Variants in PCDHGB1 observed in about 807,000 individuals in gnomAD.
PCDHGB1 encodes protocadherin gamma-B1.
A neutral mutation model predicts 56.6 loss-of-function variants in PCDHGB1; 34 were observed. That is an observed-to-expected ratio of 0.60 (90% CI 0.46 to 0.80). PCDHGB1 has a LOEUF of 0.80. PCDHGB1 is among the 30% of genes least tolerant of loss of function. The pLI, the probability that PCDHGB1 is intolerant of heterozygous loss-of-function variation, is 0.00. For synonymous variants in PCDHGB1, 561 were observed against 505.9 expected, an observed-to-expected ratio of 1.11 and a Z score of -1.46; for missense variants, 1,278 against 1,204.6, an observed-to-expected ratio of 1.06 and a Z score of -0.90.
chr5:141,408,839 A>T (rs1296339131), intron 1 of PCDHGB1: 24 of 1,613,642 alleles, frequency 1.5e-5, no homozygotes, highest in Non-Finnish European at 2.0e-5. Context: ...CTTGATATTG[A>T]CTGCCTTGGA....
At chr5:141,355,299 C>G (rs537879124) in intron 1 of PCDHGB1, 2 of 1,613,922 alleles carry the variant, frequency 1.2e-6, no homozygotes, top group Non-Finnish European at 1.7e-6. Flanking sequence ...AGATTCTCTA[C>G]TCGGTGTTTG....
At chr5:141,423,838 T>G in intron 1 of PCDHGB1, 1 of 1,279,552 alleles carries the variant, frequency 7.8e-7, no homozygotes, top group South Asian at 3.5e-5. Context: ...GAGATTACGA[T>G]AATCTTTCAG....
chr5:141,425,835 T>C (rs536839515), intron 1 of PCDHGB1, among the ~76,000 whole-genome samples: 1 of 152,256 alleles, frequency 6.6e-6, no homozygotes, highest in Admixed American at 6.5e-5. Flanking sequence ...TTTTAAATTC[T>C]CTTTGCTGGG....
intron 1 of PCDHGB1, among the ~76,000 whole-genome samples, chr5:141,437,716 C>T (rs575174227): frequency 1.2e-4 from 18 of 151,782 alleles, no homozygotes; most frequent in Admixed American, 1.0e-3. Flanking sequence ...CACAGTTACC[C>T]TCTAATGTTA....
At chr5:141,418,732 G>A (rs747081573) in intron 1 of PCDHGB1, 1 of 1,613,994 alleles carries the variant, frequency 6.2e-7, no homozygotes, top group Non-Finnish European at 8.5e-7. Flanking sequence ...CTCAGCACGT[G>A]TTCTCTCTGG....
At chr5:141,362,600 C>T (rs1561527590) in intron 1 of PCDHGB1, 3 of 1,577,722 alleles carry the variant, frequency 1.9e-6, no homozygotes, top group Non-Finnish European at 1.7e-6. Flanking sequence ...TTTATTGTTT[C>T]ACCTAATTTG....
chr5:141,482,000 G>A (rs1421859839), intron 1 of PCDHGB1, among the ~76,000 whole-genome samples: 8 of 150,854 alleles, frequency 5.3e-5, no homozygotes, highest in East Asian at 1.9e-4. Flanking sequence ...CAGGAGAATC[G>A]CTTTATCTCA....
rs530194567 is a variant in PCDHGB1, at chr5:141,417,884, C to G, written c.2409+65215C>G. On this transcript the variant is annotated intron_variant, in intron 1 of 3. Transcript: ENST00000523390. ...GATGGGAGGGAGCTGCGCGCAGAGG[C>G]GCCGGGCCGGCCCGCGGCAGGTACT... 2.1e-4 allele frequency: 327 copies of G among 1,561,600 alleles called. No individual in the cohort carries two copies. In the South Asian group the frequency reaches 3.4e-3, roughly 16 times the overall value.
chr5:141,505,591 G>C (rs2099846959), intron 3 of PCDHGB1, 110 bp downstream of exon 3: 2 of 1,570,280 alleles, frequency 1.3e-6, no homozygotes, highest in African/African-American at 2.7e-5. Flanking sequence ...AGTTTCTCCA[G>C]ATCTTTCGGC....
At position 141,477,742 on chromosome 5, in the gene PCDHGB1, G is replaced by C; in HGVS notation, c.2410-17065G>C. 2 of 1,613,800 alleles carry C rather than the reference G, an allele frequency of 1.2e-6. No individual in the cohort carries two copies. Among genetic ancestry groups the C allele is most frequent in the Non-Finnish European group, 1.7e-6 (2 of 1,180,030 alleles). ...AATTAACAGCTCATATCAGCGATGG[G>C]GGCACCCCGGTCCTAGCCACCAACA... On this transcript the variant is annotated intron_variant, in intron 1 of 3. Coordinates refer to ENST00000523390, the MANE Select transcript of PCDHGB1 (RefSeq NM_018922.3). The surrounding 1 kb of genome is among the most constrained non-coding windows in gnomAD (Gnocchi z 4.9).
intron 1 of PCDHGB1, chr5:141,440,587 A>G (rs566819394): frequency 1.3e-5 from 2 of 152,392 alleles, no homozygotes; most frequent in East Asian, 3.9e-4. Flanking sequence ...CCCAGCTGGA[A>G]CAAGATTTGC....
At position 141,490,597 on chromosome 5, in the gene PCDHGB1, C is replaced by G. The variant is rs781077720; in HGVS notation, c.2410-4210C>G. 1 of 1,614,182 alleles carries G rather than the reference C, an allele frequency of 6.2e-7. No homozygotes were observed. On this transcript the variant is annotated intron_variant, in intron 1 of 3. Transcript: ENST00000523390. This position sits in a 1 kb window ranked among gnomAD's most constrained non-coding sequence, Gnocchi z 5.4. ...TTCAGATGTCAATGACAATGCACCC[C>G]GCTTCAACCAGCAGCTTTACACTGC...
chr5:141,363,442 C>G (rs1298018028), intron 1 of PCDHGB1, among the ~76,000 whole-genome samples: 1 of 152,178 alleles, frequency 6.6e-6, no homozygotes, highest in African/African-American at 2.4e-5. Flanking sequence ...AAAGGTCACT[C>G]AGTACTTCTC....
intron 1 of PCDHGB1, among the ~76,000 whole-genome samples, chr5:141,455,913 T>C (rs2098837234): frequency 7.2e-6 from 1 of 138,032 alleles, no homozygotes; most frequent in African/African-American, 2.7e-5. Context: ...ATTTATTTAT[T>C]TTGAGACGGA....
At chr5:141,427,259 G>A (rs1365845158) in intron 1 of PCDHGB1, 1 of 456,756 alleles carries the variant, frequency 2.2e-6, no homozygotes, top group Non-Finnish European at 4.4e-6. Flanking sequence ...GTGGAGGCAT[G>A]ACCAGCGAAT....
chr5:141,384,360 C>T (rs1321195409), intron 1 of PCDHGB1: 2 of 1,613,902 alleles, frequency 1.2e-6, no homozygotes, highest in Non-Finnish European at 1.7e-6. Flanking sequence ...ATGCCCAGAT[C>T]ACTTATTCCT....
At chr5:141,392,632 C>A in intron 1 of PCDHGB1, 1 of 610,258 alleles carries the variant, frequency 1.6e-6, no homozygotes, top group Non-Finnish European at 2.7e-6. Context: ...ACTCAGATCT[C>A]ACACCTCACG....
At chr5:141,392,280 GCA>G (rs1460323134) in intron 1 of PCDHGB1, 2 of 152,190 alleles carry the variant, frequency 1.3e-5, no homozygotes, top group East Asian at 3.8e-4. Flanking sequence ...AAAGCTTAGA[GCA>G]CAATGGGAAA....
intron 1 of PCDHGB1, among the ~76,000 whole-genome samples, chr5:141,455,860 A>T (rs1032468147): frequency 1.4e-5 from 2 of 139,848 alleles, no homozygotes; most frequent in South Asian, 2.3e-4. Context: ...AATTTCTTTT[A>T]TTATTTATTT....
Sources: gnomAD v4.1 joint callset for allele counts (sites outside exome capture counted in the v4.1 genomes callset) on GRCh38, gnomAD v4.1.1 for gene constraint, Gnocchi (gnomAD v3.1) non-coding constraint, MANE v1.5 for transcripts, NCBI Gene and HGNC (gene_info 2026-07-23, HGNC 2026-07-21) for gene names.